SLC16A6: variants seen among roughly 807,000 people sequenced by gnomAD.
SLC16A6 encodes the protein solute carrier family 16 member 6, also known as monocarboxylate transporter 7.
SLC16A6 carries 15 observed loss-of-function variants against 33.8 expected under a neutral mutation model. The observed-to-expected ratio is 0.44, with a 90% CI of 0.30 to 0.68. The LOEUF is 0.68. SLC16A6 is among the 30% of genes least tolerant of loss of function. The probability of loss-of-function intolerance (pLI) is 0.10; values close to 1 mark genes in which losing one functional copy is unlikely to be tolerated. For missense variants in SLC16A6, 451 were observed against 661.5 expected, an observed-to-expected ratio of 0.68 and a Z score of 3.49; for synonymous variants, 219 against 248.4, an observed-to-expected ratio of 0.88 and a Z score of 1.11.
chr17:68,284,422 T>C (rs1232335895), intron 1 of SLC16A6, among the ~76,000 whole-genome samples: 16 of 152,144 alleles, frequency 1.1e-4, no homozygotes, highest in Middle Eastern at 3.4e-3. Flanking sequence ...ATAAATAAAA[T>C]GTAAAAAGAA....
chr17:68,291,173 A>T (rs570369169), upstream of SLC16A6: 1 of 151,884 alleles, frequency 6.6e-6, no homozygotes, highest in East Asian at 2.0e-4. Context: ...GCTCGGTAAC[A>T]TGAGAAAAGG....
intron 4 of SLC16A6, among the ~76,000 whole-genome samples, chr17:68,272,293 A>G (rs1292046509): frequency 2.0e-5 from 3 of 152,228 alleles, no homozygotes; most frequent in African/African-American, 7.2e-5. Flanking sequence ...GTTTATTAGC[A>G]TAATCTAAAT....
At position 68,272,768 on chromosome 17, in the gene SLC16A6, C is replaced by A; in HGVS notation, c.377-1G>T. On this transcript the variant is annotated splice_acceptor_variant, in intron 3 of 5. Transcript: ENST00000580666. LOFTEE classifies it high-confidence loss of function. ...AGAAAACTAAAGCAGTATCCCAGAC[C>A]TGTGAAAGAAAAGTCAAAAAAGCCA... 5.0e-6 allele frequency: 8 copies of A among 1,613,738 alleles called. No homozygotes were observed. Among genetic ancestry groups the A allele is most frequent in the Non-Finnish European group, 6.8e-6 (8 of 1,179,818 alleles).
intron 1 of SLC16A6, among the ~76,000 whole-genome samples, chr17:68,281,013 C>A (rs1381550263): frequency 6.6e-6 from 1 of 151,718 alleles, no homozygotes; most frequent in Admixed American, 6.6e-5. Flanking sequence ...GTAGTCCCAG[C>A]TGCTTGGGAG....
intron 1 of SLC16A6, among the ~76,000 whole-genome samples, chr17:68,284,278 G>A (rs1208278843): frequency 6.6e-6 from 1 of 152,000 alleles, no homozygotes; most frequent in Non-Finnish European, 1.5e-5. Flanking sequence ...GCACGTGCCT[G>A]TAGTCCCAGC....
intron 3 of SLC16A6, 150 bp downstream of exon 3, chr17:68,273,777 C>T: frequency 1.1e-6 from 1 of 905,670 alleles, no homozygotes; most frequent in Non-Finnish European, 1.6e-6. Flanking sequence ...CCATATAGCT[C>T]AGTTCAAAAC....
At chr17:68,277,587 G>A (rs1360581989) in intron 2 of SLC16A6, among the ~76,000 whole-genome samples, 5 of 152,104 alleles carry the variant, frequency 3.3e-5, no homozygotes, top group African/African-American at 1.2e-4. Flanking sequence ...AAAACACTGT[G>A]CCTGGCTAAT....
rs138168062 is a variant in SLC16A6, at chr17:68,268,548, G to C, written c.*548C>G. The stretch of plus-strand genomic sequence containing the variant: ...ACGGGAACCTTGGTATTTTACAAAG[G>C]GTTTAACAAAAACTATTTATTCATA... On this transcript the variant is annotated 3_prime_UTR_variant, in exon 6 of 6. Coordinates refer to ENST00000580666, the MANE Select transcript of SLC16A6 (RefSeq NM_004694.5). 869 of 152,116 alleles carry C rather than the reference G, an allele frequency of 5.7e-3. 4 individuals carry two copies. Among genetic ancestry groups the C allele is most frequent in the Non-Finnish European group, 7.0e-3 (476 of 68,186 alleles). 9.4% of individuals were successfully genotyped at this position (152,116 alleles called of 1,614,324 possible).
intron 1 of SLC16A6, among the ~76,000 whole-genome samples, chr17:68,290,024 G>T (rs1555755316): frequency 6.6e-6 from 1 of 152,226 alleles, no homozygotes; most frequent in African/African-American, 2.4e-5. Context: ...ATGGTTTAGA[G>T]ATTTCAGCAT....
intron 1 of SLC16A6, among the ~76,000 whole-genome samples, chr17:68,284,229 G>A (rs1012844044): frequency 4.0e-5 from 6 of 151,294 alleles, no homozygotes; most frequent in Admixed American, 2.6e-4. Flanking sequence ...GGTGAAACCC[G>A]GTGTCTGCTA....
intron 1 of SLC16A6, among the ~76,000 whole-genome samples, chr17:68,279,110 A>G (rs1001649831): frequency 2.6e-5 from 4 of 152,184 alleles, no homozygotes; most frequent in African/African-American, 9.7e-5. Flanking sequence ...TGGCCACCAG[A>G]CCAAGTATTA....
chr17:68,273,761 T>C (rs2075419592), intron 3 of SLC16A6, 166 bp downstream of exon 3: 2 of 687,622 alleles, frequency 2.9e-6, no homozygotes, highest in African/African-American at 1.8e-5. Context: ...CCAGGTCCCC[T>C]GAAGTCCATA....
chr17:68,285,566 A>G (rs1455434365), intron 1 of SLC16A6: 1 of 152,186 alleles, frequency 6.6e-6, no homozygotes, highest in Non-Finnish European at 1.5e-5. Flanking sequence ...GCTACTCGGG[A>G]GGCTGCGGTG....
chr17:68,277,635 G>T (rs2075567141), intron 2 of SLC16A6, among the ~76,000 whole-genome samples: 1 of 152,064 alleles, frequency 6.6e-6, no homozygotes, highest in African/African-American at 2.4e-5. Flanking sequence ...TCGCCATGTT[G>T]GCCAGCCTGG....
In SLC16A6 at chr17:68,268,771, T is replaced by C. The variant is rs1360732382; in HGVS notation, c.*325A>G. The C allele has an allele frequency of 7.3e-6, 2 of 275,468 alleles. No homozygotes were observed. The highest frequency in any genetic ancestry group is 1.4e-5 in the Non-Finnish European group (2 of 145,666). The allele number at this position is 275,468 out of a possible 1,614,324, so 17.1% of individuals were successfully genotyped here. On this transcript the variant is annotated 3_prime_UTR_variant, in exon 6 of 6. Transcript: ENST00000580666. The stretch of plus-strand genomic sequence containing the variant: ...CTTTTAAAACCACTTTGCCAGTTCA[T>C]GTCACTATTTTAATATCGGAATGTG...
intron 1 of SLC16A6, among the ~76,000 whole-genome samples, chr17:68,289,204 G>A (rs2075910186): frequency 6.6e-6 from 1 of 151,972 alleles, no homozygotes; most frequent in African/African-American, 2.4e-5. Flanking sequence ...AAAATGAGGT[G>A]GGAGGATCGC....
In SLC16A6 at chr17:68,274,014, C is replaced by G. The variant is rs147731514; in HGVS notation, c.289G>C (p.Gly97Arg). 18 of 1,614,026 alleles carry G rather than the reference C, an allele frequency of 1.1e-5. No homozygotes were observed. The highest frequency in any genetic ancestry group is 2.7e-5 in the African/African-American group (2 of 74,918). The change falls in exon 3 of 6, where the codon GGG becomes CGG. Residue 97 changes from glycine (G) to arginine (R), a missense_variant. Transcript: ENST00000580666. ...ATCCCGGTGCTGACAAGTAGCCCCC[C>G]CAACATCACTACCAGACGGTGTCCG... ...RFGHRLVVML[G>R]GLLVSTGMVA...
chr17:68,285,388 G>T (rs957182385), intron 1 of SLC16A6, among the ~76,000 whole-genome samples: 1 of 151,792 alleles, frequency 6.6e-6, no homozygotes, highest in Non-Finnish European at 1.5e-5. Flanking sequence ...TCCTGGGCTC[G>T]TGCAGGGCAC....
intron 1 of SLC16A6, among the ~76,000 whole-genome samples, chr17:68,290,533 C>T (rs782257399): frequency 1.1e-4 from 17 of 152,226 alleles, no homozygotes; most frequent in South Asian, 4.1e-4. Flanking sequence ...CCGGGAAATC[C>T]CCGGCTTCCC....
Sources: gnomAD v4.1 joint callset for allele counts (sites outside exome capture counted in the v4.1 genomes callset) on GRCh38, gnomAD v4.1.1 for gene constraint, MANE v1.5 for transcripts, NCBI Gene and HGNC (gene_info 2026-07-23, HGNC 2026-07-21) for gene names.